The following FGF23 variants were observed in gnomAD, a reference collection of about 807,000 sequenced individuals.
FGF23 encodes fibroblast growth factor 23, also known as phosphatonin.
A neutral mutation model predicts 9.0 loss-of-function variants in FGF23; 8 were observed. The ratio of observed to expected loss-of-function variants is 0.89; its 90% confidence interval spans 0.52 to 1.60. The LOEUF is 1.60. Among genes scored for constraint, FGF23 ranks in the 40% most tolerant of loss-of-function variants. FGF23 has a pLI of 0.00. For synonymous variants in FGF23, 118 were observed against 146.2 expected (o/e 0.81, Z 1.39); for missense variants, 311 against 344.3 (o/e 0.90, Z 0.77).
intron 1 of FGF23, among the ~76,000 whole-genome samples, chr12:4,376,087 A>T (rs1865113532): frequency 6.6e-6 from 1 of 152,158 alleles, no homozygotes; most frequent in African/African-American, 2.4e-5. Context: ...CTAGGAAATG[A>T]TATTACCAGG....
chr12:4,379,637 G>T lies in FGF23; in HGVS notation c.-55C>A, dbSNP rs760895385. On this transcript the variant is annotated 5_prime_UTR_variant, in exon 1 of 3. Coordinates refer to ENST00000237837, the MANE Select transcript of FGF23 (RefSeq NM_020638.3). ...GATTGAAACCTGACACTCCTGTCGG[G>T]ACTCTCCTGGCCCAGGCCTTACTGG... 18 of 1,455,176 alleles carry T rather than the reference G, an allele frequency of 1.2e-5. No homozygotes were observed. The South Asian group carries it at 1.9e-4, about 16-fold the overall frequency. The allele number at this position is 1,455,176 out of a possible 1,614,324, so 90.1% of individuals were successfully genotyped here. A position where few individuals can be genotyped will look rare whatever the true frequency, so the allele number is the denominator to read the frequency against.
At chr12:4,371,538 A>G (rs1865063619) in intron 2 of FGF23, among the ~76,000 whole-genome samples, 1 of 152,238 alleles carries the variant, frequency 6.6e-6, no homozygotes, top group Non-Finnish European at 1.5e-5. Flanking sequence ...TGTGGTGGTC[A>G]GAGACTCCTG....
chr12:4,376,112 C>G (rs1191833772), intron 1 of FGF23, among the ~76,000 whole-genome samples: 2 of 152,182 alleles, frequency 1.3e-5, no homozygotes, highest in East Asian at 3.8e-4. Context: ...ATAAGCATCT[C>G]TCTCTTGCTG....
Position 4,371,052 on chromosome 12 carries a change from T to C in FGF23, c.316-269A>G, listed in dbSNP as rs147488110. ...CCCGGGCTGGCCTGGCCTGTGGTTTTCCTGGAGTAGGCACCACCTTGTCCT... is the reference window on the plus strand; with the variant it reads ...CCCGGGCTGGCCTGGCCTGTGGTTTCCCTGGAGTAGGCACCACCTTGTCCT... On this transcript the variant is annotated intron_variant, in intron 2 of 2. Coordinates refer to ENST00000237837, the MANE Select transcript of FGF23 (RefSeq NM_020638.3). Among the ~76,000 whole-genome samples the C allele has an allele frequency of 3.6e-3, 542 of 152,352 alleles. 1 individual carries two copies. The highest frequency in any genetic ancestry group is 6.2e-3 in the Non-Finnish European group (422 of 68,026).
rs1190191471 is a variant in FGF23 at position 4,370,341 on chromosome 12, C to T, written c.*2G>A. 7 of 1,613,068 alleles carry T rather than the reference C, an allele frequency of 4.3e-6. No individual in the cohort carries two copies. The highest frequency in any genetic ancestry group is 5.9e-6 in the Non-Finnish European group (7 of 1,179,924). On this transcript the variant is annotated 3_prime_UTR_variant, in exon 3 of 3. Transcript: ENST00000237837. ...GTTAAAGAGGGTGCCCTTCCAGCGA[C>T]CCTAGATGAACTTGGCGAAGGGGCG... is the stretch of plus-strand genomic sequence containing the variant.
Position 4,368,754 on chromosome 12 carries a change from A to C in FGF23, c.*1589T>G. ...GATAATATTTCCAACAGGAAATGAA[A>C]ACAGAAATATTAAAATATTTGCCAT... On this transcript the variant is annotated 3_prime_UTR_variant, in exon 3 of 3. Coordinates refer to ENST00000237837, the MANE Select transcript of FGF23 (RefSeq NM_020638.3). 4.9e-6 allele frequency: 1 copy of C among 204,466 alleles called. No individual in the cohort carries two copies. Among genetic ancestry groups the C allele is most frequent in the Non-Finnish European group, 1.0e-5 (1 of 99,806 alleles). 12.7% of individuals were successfully genotyped at this position (204,466 alleles called of 1,614,324 possible). A position where few individuals can be genotyped will look rare whatever the true frequency, so the allele number is the denominator to read the frequency against.
At position 4,372,609 on chromosome 12, in the gene FGF23, G is replaced by A; in HGVS notation, c.300C>T (p.Gly100=). 6.2e-7 allele frequency: 1 copy of A among 1,605,088 alleles called. No homozygotes were observed. Residue 100 remains glycine, a synonymous_variant, in exon 2 of 3, where the codon GGC becomes GGT. Coordinates refer to ENST00000237837, the MANE Select transcript of FGF23 (RefSeq NM_020638.3). ...AGAAACTCACTGATCCAAAAATGTT[G>A]CCTCTGAAATCCATGCAGAGGTATC... is the stretch of plus-strand genomic sequence containing the variant. ...SRRYLCMDFR[G]NIFGSHYFDP...
At chr12:4,374,154 G>C (rs1174628766) in intron 1 of FGF23, among the ~76,000 whole-genome samples, 1 of 152,192 alleles carries the variant, frequency 6.6e-6, no homozygotes, top group East Asian at 1.9e-4. Flanking sequence ...AGAAAGGTGA[G>C]AAAGGAAGAG....
chr12:4,378,728 G>T (rs888905617), intron 1 of FGF23, among the ~76,000 whole-genome samples: 1 of 15,964 alleles, frequency 6.3e-5, no homozygotes, highest in African/African-American at 1.3e-4. Context: ...CCTGTTGGAT[G>T]GATGGATGGA....
chr12:4,371,181 G>A (rs1199968326), intron 2 of FGF23, among the ~76,000 whole-genome samples: 2 of 152,152 alleles, frequency 1.3e-5, no homozygotes, highest in Non-Finnish European at 2.9e-5. Context: ...GGTCAAACAT[G>A]AATGAGAGCA....
Position 4,370,325 on chromosome 12 carries a change from G to C in FGF23, c.*18C>G, listed in dbSNP as rs767227974. ...GTTTGCTGAGGGATGGGTTAAAGAGGGTGCCCTTCCAGCGACCCTAGATGA... is the reference window on the plus strand; with the variant it reads ...GTTTGCTGAGGGATGGGTTAAAGAGCGTGCCCTTCCAGCGACCCTAGATGA... On this transcript the variant is annotated 3_prime_UTR_variant, in exon 3 of 3. Transcript: ENST00000237837. The C allele has an allele frequency of 5.6e-6, 9 of 1,610,106 alleles. 1 individual carries two copies. The Middle Eastern group carries it at 8.3e-4, about 148-fold the overall frequency.
chr12:4,375,321 G>A (rs535703955), intron 1 of FGF23, among the ~76,000 whole-genome samples: 1 of 152,138 alleles, frequency 6.6e-6, no homozygotes, highest in East Asian at 1.9e-4. Context: ...TGGCACACAC[G>A]CTCCTGGTTT....
intron 1 of FGF23, among the ~76,000 whole-genome samples, chr12:4,375,473 C>T (rs1865107675): frequency 6.6e-6 from 1 of 152,214 alleles, no homozygotes; most frequent in African/African-American, 2.4e-5. Context: ...GAGTTTCTTT[C>T]CTTTGTGCTT....
chr12:4,370,085 G>T lies in FGF23; in HGVS notation c.*258C>A. 1 of 459,828 alleles carries T rather than the reference G, an allele frequency of 2.2e-6. No homozygotes were observed. 28.5% of individuals were successfully genotyped at this position (459,828 alleles called of 1,614,324 possible). On this transcript the variant is annotated 3_prime_UTR_variant, in exon 3 of 3. Coordinates refer to ENST00000237837, the MANE Select transcript of FGF23 (RefSeq NM_020638.3). ...CCCTTCTCTCTACCTTCATGAAGGG[G>T]AAATTTCTAGTTTACCTGTTGGGGT...
Position 4,370,748 on chromosome 12 carries a change from G to C in FGF23, c.351C>G (p.His117Gln). 1 of 1,614,128 alleles carries C rather than the reference G, an allele frequency of 6.2e-7. No homozygotes were observed. Among genetic ancestry groups the C allele is most frequent in the Non-Finnish European group, 8.5e-7 (1 of 1,180,014 alleles). The change falls in exon 3 of 3, where the codon CAC becomes CAG. Residue 117 changes from histidine (H) to glutamine (Q), a missense_variant. His to Gln is a conservative substitution (Grantham distance 24). Coordinates refer to ENST00000237837, the MANE Select transcript of FGF23 (RefSeq NM_020638.3). ...CGTCGTACCCGTTTTCCAGCGTCTG[G>C]TGTTGGAACCTGCAGTTCTCCGGGT... Reference protein sequence around the residue: ...YFDPENCRFQHQTLENGYDVY... With the variant: ...YFDPENCRFQQQTLENGYDVY...
At position 4,368,732 on chromosome 12, in the gene FGF23, A is replaced by G. The variant is rs571095026; in HGVS notation, c.*1611T>C. ...GCCTCCAATAGCTATTATGCAGGAT[A>G]ATATTTCCAACAGGAAATGAAAACA... On this transcript the variant is annotated 3_prime_UTR_variant, in exon 3 of 3. Coordinates refer to ENST00000237837, the MANE Select transcript of FGF23 (RefSeq NM_020638.3). The G allele has an allele frequency of 3.5e-5, 7 of 202,722 alleles. No individual in the cohort carries two copies. The highest frequency in any genetic ancestry group is 1.6e-4 in the African/African-American group (7 of 43,786). The allele number at this position is 202,722 out of a possible 1,614,324, so 12.6% of individuals were successfully genotyped here. A position where few individuals can be genotyped will look rare whatever the true frequency, so the allele number is the denominator to read the frequency against.
rs13312781 is a variant in FGF23 at position 4,374,465 on chromosome 12, C to T, written c.212-1768G>A. Among the ~76,000 whole-genome samples the T allele has an allele frequency of 6.2e-4, 94 of 152,108 alleles. No individual in the cohort carries two copies. In the East Asian group the frequency reaches 0.016, roughly 25 times the overall value. On this transcript the variant is annotated intron_variant, in intron 1 of 2. Transcript: ENST00000237837. ...GAGATCAAGACCATCCTGGCTAACACGGTGAAACCTCTTCTCTACTAAAAT... is the reference window on the plus strand; with the variant it reads ...GAGATCAAGACCATCCTGGCTAACATGGTGAAACCTCTTCTCTACTAAAAT...
intron 1 of FGF23, among the ~76,000 whole-genome samples, chr12:4,374,994 G>A (rs1050906542): frequency 2.0e-5 from 3 of 152,182 alleles, no homozygotes; most frequent in Admixed American, 6.5e-5. Context: ...AGGACAAGGA[G>A]TCACAGCAGC....
rs749444014 is a variant in FGF23, at chr12:4,370,381, C to G, written c.718G>C (p.Gly240Arg). The change falls in exon 3 of 3, where the codon GGC becomes CGC. Residue 240 changes from glycine (G) to arginine (R), a missense_variant. Gly to Arg is a moderately radical substitution (Grantham distance 125). Around this residue, in one of 3 missense-constraint regions of FGF23, gnomAD observed 206 missense variants for 219.2 expected, o/e 0.94. Coordinates refer to ENST00000237837, the MANE Select transcript of FGF23 (RefSeq NM_020638.3). Reference protein sequence around the residue: ...GRVNTHAGGTGPEGCRPFAKF... With the variant: ...GRVNTHAGGTRPEGCRPFAKF... Reference sequence around the variant, plus strand: ...GCGAAGGGGCGGCAGCCTTCCGGGCCCGTTCCCCCAGCGTGCGTGTTCACT... The same window carrying G: ...GCGAAGGGGCGGCAGCCTTCCGGGCGCGTTCCCCCAGCGTGCGTGTTCACT... 6.2e-7 allele frequency: 1 copy of G among 1,613,712 alleles called. No individual in the cohort carries two copies. The highest frequency in any genetic ancestry group is 2.2e-5 in the East Asian group (1 of 44,870).
Sources: gnomAD v4.1 joint callset for allele counts (sites outside exome capture counted in the v4.1 genomes callset) on GRCh38, gnomAD v4.1.1 for gene constraint, gnomAD v4.1.1 regional missense constraint, MANE v1.5 for transcripts, NCBI Gene and HGNC (gene_info 2026-07-23, HGNC 2026-07-21) for gene names.